The following RIMBP2 variants were observed in gnomAD, a reference collection of about 807,000 sequenced individuals.
RIMBP2 encodes the protein RIMS-binding protein 2.
A neutral mutation model predicts 118.6 loss-of-function variants in RIMBP2; 48 were observed. The observed-to-expected ratio is 0.40, with a 90% CI of 0.32 to 0.51. The LOEUF (loss-of-function observed/expected upper bound fraction) is 0.51, where lower values mean the gene tolerates loss of function less well. Ranked by LOEUF, RIMBP2 falls within the 20% of genes least tolerant of loss-of-function variation. The probability of loss-of-function intolerance (pLI) is 0.41; values close to 1 mark genes in which losing one functional copy is unlikely to be tolerated. For missense variants in RIMBP2, 1,551 were observed against 1,768.3 expected (o/e 0.88, Z 2.20); for synonymous variants, 762 against 742.9 (o/e 1.03, Z -0.42).
rs7974832 is a variant in RIMBP2, at chr12:130,462,429, T to C, written c.154-5729A>G. Among the ~76,000 whole-genome samples the C allele has an allele frequency of 5.5e-3, 842 of 152,204 alleles. 15 individuals carry two copies. Among genetic ancestry groups the C allele is most frequent in the African/African-American group, 0.02 (819 of 41,542 alleles). On this transcript the variant is annotated intron_variant, in intron 6 of 22. Transcript: ENST00000690449. ...CCGAGGATGCCTGCCCGGCTGCGTC[T>C]CCACCGAGGCCCAAGGCACGCTACT... is the stretch of plus-strand genomic sequence containing the variant.
chr12:130,459,760 G>T (rs770523548), intron 6 of RIMBP2, among the ~76,000 whole-genome samples: 1 of 151,940 alleles, frequency 6.6e-6, no homozygotes, highest in Non-Finnish European at 1.5e-5. Context: ...GGTTCCATGG[G>T]ACTCCCAGAA....
chr12:130,457,993 A>G (rs2079596683), intron 6 of RIMBP2, among the ~76,000 whole-genome samples: 1 of 152,092 alleles, frequency 6.6e-6, no homozygotes, highest in African/African-American at 2.4e-5. Context: ...TGTCAGCCCC[A>G]TGAGGGCAGG....
At chr12:130,466,711 T>C (rs908688214) in intron 6 of RIMBP2, among the ~76,000 whole-genome samples, 2 of 152,218 alleles carry the variant, frequency 1.3e-5, no homozygotes, top group South Asian at 2.1e-4. Context: ...TCAAGATCTT[T>C]ATCCTAAAAC....
At chr12:130,479,505 GGA>G (rs1279161874) in intron 4 of RIMBP2, among the ~76,000 whole-genome samples, 1 of 152,118 alleles carries the variant, frequency 6.6e-6, no homozygotes, top group Non-Finnish European at 1.5e-5. Flanking sequence ...CTACAGAGAG[GGA>G]AACTGAGGCA....
At chr12:130,439,627 G>A (rs1157406821) in intron 11 of RIMBP2, among the ~76,000 whole-genome samples, 2 of 100,082 alleles carry the variant, frequency 2.0e-5, no homozygotes, top group Non-Finnish European at 4.1e-5. Flanking sequence ...GGGTGTGTGG[G>A]GGTGTCTGTG....
At chr12:130,421,689 A>ATGTGTGTGTGTGTGTGTGTGTGTG (rs1336875443) in intron 17 of RIMBP2, among the ~76,000 whole-genome samples, 6 of 106,954 alleles carry the variant, frequency 5.6e-5, no homozygotes, top group Non-Finnish European at 8.6e-5. Context: ...CCCTGCATTT[A>ATGTGTGTGTGTGTGTGTGTGTGTG]TATGTGTGTG....
chr12:130,558,281 T>C (rs2056536687), intron 2 of RIMBP2, among the ~76,000 whole-genome samples: 1 of 152,040 alleles, frequency 6.6e-6, no homozygotes, highest in African/African-American at 2.4e-5. Context: ...CCCTAACAAT[T>C]AGAAGGCAGA....
chr12:130,599,145 C>A (rs537353322), intron 2 of RIMBP2, among the ~76,000 whole-genome samples: 1 of 152,278 alleles, frequency 6.6e-6, no homozygotes, highest in South Asian at 2.1e-4. Flanking sequence ...AATAAGTAAA[C>A]CCATCCTTCA....
At chr12:130,479,710 A>G (rs1422626206) in intron 4 of RIMBP2, among the ~76,000 whole-genome samples, 2 of 151,862 alleles carry the variant, frequency 1.3e-5, no homozygotes, top group Admixed American at 6.6e-5. Flanking sequence ...CAGGAGTCCA[A>G]ATTCCTTCAC....
intron 11 of RIMBP2, among the ~76,000 whole-genome samples, chr12:130,439,955 G>A (rs1212322745): frequency 2.0e-5 from 3 of 151,680 alleles, no homozygotes; most frequent in Non-Finnish European, 4.4e-5. Context: ...ATTCATGTAT[G>A]TGGGTCTGTA....
chr12:130,412,254 A>G (rs1263760775), intron 19 of RIMBP2, among the ~76,000 whole-genome samples: 3 of 152,162 alleles, frequency 2.0e-5, no homozygotes, highest in Admixed American at 6.5e-5. Context: ...CGGCCCCCCA[A>G]CCACCCACTG....
At chr12:130,646,154 T>A (rs12832222) in intron 1 of RIMBP2, among the ~76,000 whole-genome samples, 1,598 of 10,144 alleles carry the variant, frequency 0.16, 184 homozygotes, top group Non-Finnish European at 0.22. Context: ...CACCTGCCTC[T>A]CCACCTCCCT....
At position 130,475,379 on chromosome 12, in the gene RIMBP2, T is replaced by G. The variant is rs1355761485; in HGVS notation, c.102+3533A>C. ...CAGCACCCTCTCAAGGGTGGTCAGG[T>G]CTGGGGGTGAAGCTGATCCCACCAA... On this transcript the variant is annotated intron_variant, in intron 5 of 22. Transcript: ENST00000690449. The surrounding 1 kb of genome is among the most constrained non-coding windows in gnomAD (Gnocchi z 4.1). Among the ~76,000 whole-genome samples, 1 of 152,140 alleles carries G rather than the reference T, an allele frequency of 6.6e-6. No homozygotes were observed. Among genetic ancestry groups the G allele is most frequent in the Non-Finnish European group, 1.5e-5 (1 of 68,020 alleles).
At chr12:130,549,824 C>A (rs59223767) in intron 2 of RIMBP2, among the ~76,000 whole-genome samples, 1 of 152,198 alleles carries the variant, frequency 6.6e-6, no homozygotes, top group Non-Finnish European at 1.5e-5. Context: ...AACATTCATG[C>A]GCATGTGTCT....
At chr12:130,590,194 A>G (rs192840907) in intron 2 of RIMBP2, among the ~76,000 whole-genome samples, 13 of 152,352 alleles carry the variant, frequency 8.5e-5, no homozygotes, top group Admixed American at 2.6e-4. Flanking sequence ...GGTCTCCCCA[A>G]TGAGGGCTCT....
intron 1 of RIMBP2, among the ~76,000 whole-genome samples, chr12:130,666,210 C>T (rs2063908632): frequency 6.6e-6 from 1 of 152,140 alleles, no homozygotes; most frequent in Non-Finnish European, 1.5e-5. Flanking sequence ...CACAGAAGCA[C>T]ACCTGGGAAG....
At chr12:130,549,559 C>A (rs768935084) in intron 2 of RIMBP2, among the ~76,000 whole-genome samples, 1 of 152,200 alleles carries the variant, frequency 6.6e-6, no homozygotes. Context: ...CCCTTTGTGT[C>A]CACGTGTTCT....
rs573322448 is a variant in RIMBP2, at chr12:130,571,984, G to A, written c.-216-54067C>T. Among the ~76,000 whole-genome samples, 11 of 152,210 alleles carry A rather than the reference G, an allele frequency of 7.2e-5. No homozygotes were observed. The South Asian group carries it at 1.7e-3, about 23-fold the overall frequency. On this transcript the variant is annotated intron_variant, in intron 2 of 22. Coordinates refer to ENST00000690449, the MANE Select transcript of RIMBP2 (RefSeq NM_001393629.1). Reference sequence around the variant, plus strand: ...ATGGTCGGCCTGTCCCGGCGCCCTCGGTCACCTCTACCCCTTCGCTGCTCC... The same window carrying A: ...ATGGTCGGCCTGTCCCGGCGCCCTCAGTCACCTCTACCCCTTCGCTGCTCC...
intron 4 of RIMBP2, among the ~76,000 whole-genome samples, chr12:130,488,470 CA>C (rs35952712): frequency 6.6e-6 from 1 of 151,202 alleles, no homozygotes; most frequent in Non-Finnish European, 1.5e-5. Context: ...ACGAACCAGC[CA>C]AAAAAAAGAG....
Sources: gnomAD v4.1 joint callset for allele counts (sites outside exome capture counted in the v4.1 genomes callset) on GRCh38, gnomAD v4.1.1 for gene constraint, Gnocchi (gnomAD v3.1) non-coding constraint, MANE v1.5 for transcripts, NCBI Gene and HGNC (gene_info 2026-07-23, HGNC 2026-07-21) for gene names.